The following CEP170 variants were observed in gnomAD, a reference collection of about 807,000 sequenced individuals.
The protein encoded by CEP170 is centrosomal protein of 170 kDa.
Under a neutral mutation model 151.9 loss-of-function variants are expected in CEP170, and 21 were observed. That is an observed-to-expected ratio of 0.14 (90% CI 0.10 to 0.20). CEP170 has a LOEUF of 0.20. Ranked by LOEUF, CEP170 falls within the 10% of genes least tolerant of loss-of-function variation. The pLI, the probability that CEP170 is intolerant of heterozygous loss-of-function variation, is 1.00. For missense variants in CEP170, 964 were observed against 1,892.9 expected, an observed-to-expected ratio of 0.51 and a Z score of 9.11; for synonymous variants, 356 against 648.8, an observed-to-expected ratio of 0.55 and a Z score of 6.86.
At chr1:243,209,651 G>A (rs1258769106) in intron 4 of CEP170, among the ~76,000 whole-genome samples, 2 of 151,316 alleles carry the variant, frequency 1.3e-5, no homozygotes, top group Non-Finnish European at 2.9e-5. Context: ...TTAAAATTAC[G>A]TATATAATAT....
intron 8 of CEP170, among the ~76,000 whole-genome samples, chr1:243,188,481 T>C (rs1160060670): frequency 1.3e-5 from 2 of 152,214 alleles, no homozygotes; most frequent in Non-Finnish European, 2.9e-5. Flanking sequence ...GCTGCAATTT[T>C]CTGTTTCTAC....
chr1:243,156,449 G>A lies in CEP170; in HGVS notation c.3683C>T (p.Ser1228Leu). Residue 1228 changes from serine to leucine, a missense_variant, in exon 14 of 20, where the codon TCA (serine) becomes TTA (leucine). Ser to Leu is a moderately radical substitution (Grantham distance 145). Transcript: ENST00000366542. The stretch of plus-strand genomic sequence containing the variant: ...ATCAGTAGGAAAGCGCCTCCATCTT[G>A]AATTTACTAAATTAGTTTAATTATT... ...TSAHGSASVN[S>L]RWRRFPTDYA... The A allele has an allele frequency of 6.5e-7, 1 of 1,540,318 alleles. No individual in the cohort carries two copies.
intron 1 of CEP170, among the ~76,000 whole-genome samples, chr1:243,254,812 A>C (rs893354639): frequency 1.8e-5 from 2 of 108,250 alleles, no homozygotes; most frequent in East Asian, 3.0e-4. Context: ...GGGGATGGGA[A>C]GGGTGGTCCC....
At chr1:243,163,107 G>GTC (rs2058193675) in intron 13 of CEP170, 1 of 152,160 alleles carries the variant, frequency 6.6e-6, no homozygotes, top group African/African-American at 2.4e-5. Flanking sequence ...GTGGAGGAAA[G>GTC]CAGCAGTGAA....
At chr1:243,150,049 T>C (rs2056909638) in intron 14 of CEP170, among the ~76,000 whole-genome samples, 1 of 152,134 alleles carries the variant, frequency 6.6e-6, no homozygotes, top group Non-Finnish European at 1.5e-5. Flanking sequence ...CTAATAAAAT[T>C]ATGTGTAAAA....
intron 1 of CEP170, among the ~76,000 whole-genome samples, chr1:243,247,999 TTCAAACA>T (rs1489164940): frequency 6.6e-6 from 1 of 152,236 alleles, no homozygotes; most frequent in Non-Finnish European, 1.5e-5. Flanking sequence ...GCTTCTCCTG[TTCAAACA>T]TCAGAGGCAG....
At chr1:243,176,378 G>A (rs1222644464) in intron 10 of CEP170, among the ~76,000 whole-genome samples, 1 of 152,052 alleles carries the variant, frequency 6.6e-6, no homozygotes, top group African/African-American at 2.4e-5. Context: ...CACTTGCATG[G>A]AGAGCTGTCT....
chr1:243,194,672 C>T (rs1340060571), intron 7 of CEP170, among the ~76,000 whole-genome samples: 1 of 151,868 alleles, frequency 6.6e-6, no homozygotes, highest in Admixed American at 6.6e-5. Context: ...TTCTAATCAA[C>T]ACAGAAAAAT....
intron 15 of CEP170, chr1:243,140,483 TTTTC>T (rs2148301628): frequency 6.3e-6 from 1 of 158,082 alleles, no homozygotes. Context: ...TAATGTTTCT[TTTTC>T]TTTTAGTTTC....
At chr1:243,249,955 C>T (rs1222796822) in intron 1 of CEP170, among the ~76,000 whole-genome samples, 3 of 152,158 alleles carry the variant, frequency 2.0e-5, no homozygotes, top group African/African-American at 4.8e-5. Context: ...CCTGTAGTCC[C>T]GGCTACTCGG....
intron 7 of CEP170, among the ~76,000 whole-genome samples, chr1:243,192,166 G>A (rs549301986): frequency 2.8e-4 from 43 of 152,252 alleles, no homozygotes; most frequent in Admixed American, 1.6e-3. Context: ...CAGTGTGAAC[G>A]AAATAAGGTT....
chr1:243,132,833 G>C (rs115411156), intron 17 of CEP170, among the ~76,000 whole-genome samples: 2,874 of 152,256 alleles, frequency 0.019, 155 homozygotes, highest in Admixed American at 0.12. Context: ...AGTTAGCAGG[G>C]ACGGACCTGT....
chr1:243,140,067 T>C lies in CEP170; in HGVS notation c.4100A>G (p.Lys1367Arg). ...RVFDESLNFR[K>R]IPPLVHSKTP... Reference sequence around the variant, plus strand: ...TTTGGAATGAACTAATGGAGGAATCTTTCGGAAGTTGAGGCTTTCATCAAA... The same window carrying C: ...TTTGGAATGAACTAATGGAGGAATCCTTCGGAAGTTGAGGCTTTCATCAAA... Residue 1367 changes from lysine (K) to arginine (R), a missense_variant, in exon 16 of 20, where the codon AAG becomes AGG. Lys to Arg is a conservative substitution (Grantham distance 26). Coordinates refer to ENST00000366542, the MANE Select transcript of CEP170 (RefSeq NM_014812.3). 6.2e-7 allele frequency: 1 copy of C among 1,613,934 alleles called. No individual in the cohort carries two copies. The highest frequency in any genetic ancestry group is 8.5e-7 in the Non-Finnish European group (1 of 1,179,826).
chr1:243,218,962 T>C (rs989936294), intron 3 of CEP170, among the ~76,000 whole-genome samples: 1 of 152,218 alleles, frequency 6.6e-6, no homozygotes, highest in Non-Finnish European at 1.5e-5. Context: ...TTTAACCTGA[T>C]ACTTAAAGTT....
intron 1 of CEP170, among the ~76,000 whole-genome samples, chr1:243,248,327 T>C (rs556323678): frequency 6.6e-6 from 1 of 152,320 alleles, no homozygotes; most frequent in East Asian, 1.9e-4. Context: ...CACACCCCAC[T>C]GTCCACTTTT....
intron 1 of CEP170, among the ~76,000 whole-genome samples, chr1:243,250,643 A>T (rs2065851489): frequency 6.6e-6 from 1 of 152,244 alleles, no homozygotes; most frequent in Non-Finnish European, 1.5e-5. Context: ...ATTACTTAAT[A>T]GGTGTTACTA....
At chr1:243,248,735 G>A (rs1203850187) in intron 1 of CEP170, among the ~76,000 whole-genome samples, 2 of 152,068 alleles carry the variant, frequency 1.3e-5, no homozygotes, top group African/African-American at 2.4e-5. Context: ...AGAATTCCCA[G>A]AGCCATTCTT....
At chr1:243,161,303 CAA>C (rs200842010) in intron 13 of CEP170, among the ~76,000 whole-genome samples, 8 of 108,458 alleles carry the variant, frequency 7.4e-5, no homozygotes, top group Non-Finnish European at 6.0e-5. Context: ...GAGTCCGTCT[CAA>C]AAAAAAAAAA....
chr1:243,166,186 C>T (rs187835422), intron 12 of CEP170, 70 bp from the exon 13 acceptor site: 25 of 1,540,186 alleles, frequency 1.6e-5, no homozygotes, highest in Non-Finnish European at 2.1e-5. Flanking sequence ...GAGCATCATA[C>T]AGTTGTCTGT....
Sources: gnomAD v4.1 joint callset for allele counts (sites outside exome capture counted in the v4.1 genomes callset) on GRCh38, gnomAD v4.1.1 for gene constraint, MANE v1.5 for transcripts, NCBI Gene and HGNC (gene_info 2026-07-23, HGNC 2026-07-21) for gene names.